CALN1: variants seen among roughly 807,000 people sequenced by gnomAD.
CALN1 encodes calneuron 1.
CALN1 carries 17 observed loss-of-function variants against 30.6 expected under a neutral mutation model. That is an observed-to-expected ratio of 0.56 (90% CI 0.38 to 0.83). The LOEUF (loss-of-function observed/expected upper bound fraction) is 0.83. CALN1 is among the 40% of genes least tolerant of loss of function. The pLI is 0.00. For missense variants in CALN1, 291 were observed against 354.9 expected (o/e 0.82, Z 1.45); for synonymous variants, 156 against 131.4 (o/e 1.19, Z -1.28).
At chr7:72,385,881 G>A (rs552966297) in intron 2 of CALN1, among the ~76,000 whole-genome samples, 27 of 152,286 alleles carry the variant, frequency 1.8e-4, no homozygotes, top group Non-Finnish European at 1.0e-4. Context: ...AAAACTGTGA[G>A]TCAATTTAAC....
At chr7:71,991,540 T>A (rs1436937301) in intron 5 of CALN1, among the ~76,000 whole-genome samples, 1 of 150,072 alleles carries the variant, frequency 6.7e-6, no homozygotes, top group African/African-American at 2.4e-5. Context: ...AGCAAAGTAA[T>A]AAAGATGAAC....
intron 4 of CALN1, among the ~76,000 whole-genome samples, chr7:72,054,448 C>CATATATATACACGTATAT (rs1803071701): frequency 9.8e-6 from 1 of 102,258 alleles, no homozygotes; most frequent in Admixed American, 1.1e-4. Flanking sequence ...TATATATATA[C>CATATATATACACGTATAT]ATATATATAC....
upstream of CALN1, among the ~76,000 whole-genome samples, chr7:72,450,402 C>T (rs1365983842): frequency 6.6e-6 from 1 of 152,132 alleles, no homozygotes; most frequent in African/African-American, 2.4e-5. Flanking sequence ...TCCCAGAGCC[C>T]CCCGACCCCC....
chr7:72,318,672 C>T (rs1422329002), intron 2 of CALN1, among the ~76,000 whole-genome samples: 2 of 143,946 alleles, frequency 1.4e-5, no homozygotes, highest in East Asian at 4.2e-4. Context: ...TCCTGAGTAG[C>T]TAGAACCACA....
chr7:71,988,367 T>C (rs1354245036), intron 5 of CALN1, among the ~76,000 whole-genome samples: 1 of 151,962 alleles, frequency 6.6e-6, no homozygotes, highest in African/African-American at 2.4e-5. Flanking sequence ...CCATATCGTA[T>C]CTCCAAAGGT....
intron 4 of CALN1, among the ~76,000 whole-genome samples, chr7:72,064,301 A>G (rs1803873323): frequency 6.6e-6 from 1 of 151,946 alleles, no homozygotes. Flanking sequence ...AAAAATAATT[A>G]ATTAAAAATA....
At chr7:72,160,019 C>G (rs1005902247) in intron 3 of CALN1, among the ~76,000 whole-genome samples, 1 of 152,082 alleles carries the variant, frequency 6.6e-6, no homozygotes, top group Admixed American at 6.6e-5. Flanking sequence ...AAAGTGAAGG[C>G]AGGTGAGAAC....
At chr7:72,276,184 G>C (rs575896489) in intron 3 of CALN1, among the ~76,000 whole-genome samples, 1 of 152,166 alleles carries the variant, frequency 6.6e-6, no homozygotes, top group Non-Finnish European at 1.5e-5. Context: ...GGTCCTGCAC[G>C]CATGGGGGAC....
Position 72,278,905 on chromosome 7 carries a change from G to A in CALN1, c.120-95C>T, listed in dbSNP as rs1585342862. On this transcript the variant is annotated intron_variant, in intron 2 of 6. Transcript: ENST00000395275. ...GGACCATCTGATTTTCAGATGGCCA[G>A]TGTCATTTTAAAAATAGCAGTAATA... The A allele has an allele frequency of 4.1e-6, 6 of 1,473,792 alleles. No individual in the cohort carries two copies. The East Asian group carries it at 1.2e-4, about 30-fold the overall frequency. 91.3% of individuals were successfully genotyped at this position (1,473,792 alleles called of 1,614,324 possible).
At chr7:72,344,243 C>T (rs1802513331) in intron 2 of CALN1, among the ~76,000 whole-genome samples, 1 of 152,114 alleles carries the variant, frequency 6.6e-6, no homozygotes. Context: ...CCACCCCCAC[C>T]ATGGGCTATC....
intron 5 of CALN1, among the ~76,000 whole-genome samples, chr7:71,971,870 C>T (rs1222176721): frequency 7.5e-6 from 1 of 133,798 alleles, no homozygotes; most frequent in Non-Finnish European, 1.6e-5. Context: ...GCTCCATTCA[C>T]AGTCACTCCA....
At chr7:72,388,408 A>T (rs1446705824) in intron 2 of CALN1, among the ~76,000 whole-genome samples, 1 of 152,152 alleles carries the variant, frequency 6.6e-6, no homozygotes. Context: ...ATATCCTAAA[A>T]TGAGATCCAA....
chr7:71,960,174 T>TA (rs1173149674), intron 5 of CALN1, among the ~76,000 whole-genome samples: 1 of 111,358 alleles, frequency 9.0e-6, no homozygotes, highest in African/African-American at 3.3e-5. Context: ...AATAAATAAA[T>TA]AAATAAATAA....
chr7:72,462,361 CT>C, the CALN1 span, among the ~76,000 whole-genome samples: 1 of 151,988 alleles, frequency 6.6e-6, no homozygotes. Flanking sequence ...ATTTCTCTAT[CT>C]TTTTTAAAGC....
At chr7:71,855,804 C>G (rs1226846146) in intron 5 of CALN1, among the ~76,000 whole-genome samples, 3 of 152,158 alleles carry the variant, frequency 2.0e-5, no homozygotes, top group Non-Finnish European at 4.4e-5. Flanking sequence ...CTACCCAGTG[C>G]TTTAGAATAC....
rs189659782 is a variant in CALN1, at chr7:72,108,379, C to T, written c.245-2085G>A. On this transcript the variant is annotated intron_variant, in intron 3 of 6. Coordinates refer to ENST00000395275, the MANE Select transcript of CALN1 (RefSeq NM_031468.4). ...AATCTCAGAGATTAGGATTTGATATCTTTGGGGGCTGGTTTTGAGATTGCT... is the reference window on the plus strand; with the variant it reads ...AATCTCAGAGATTAGGATTTGATATTTTTGGGGGCTGGTTTTGAGATTGCT... Among the ~76,000 whole-genome samples the T allele has an allele frequency of 6.6e-5, 10 of 152,314 alleles. No individual in the cohort carries two copies. The East Asian group carries it at 1.7e-3, about 26-fold the overall frequency.
At chr7:72,425,007 A>G (rs942937205) in intron 1 of CALN1, among the ~76,000 whole-genome samples, 1 of 152,100 alleles carries the variant, frequency 6.6e-6, no homozygotes, top group African/African-American at 2.4e-5. Flanking sequence ...CAGTGATACA[A>G]TCAATCCACA....
intron 6 of CALN1, among the ~76,000 whole-genome samples, chr7:71,808,057 C>G (rs977997243): frequency 6.6e-6 from 1 of 151,934 alleles, no homozygotes; most frequent in African/African-American, 2.4e-5. Flanking sequence ...CTGGGTGACA[C>G]AGTGAGACTT....
chr7:72,168,805 A>ATTATTT (rs1336334048), intron 3 of CALN1, among the ~76,000 whole-genome samples: 4 of 128,474 alleles, frequency 3.1e-5, no homozygotes, highest in Non-Finnish European at 6.5e-5. Flanking sequence ...TATTATTATT[A>ATTATTT]TTTTTTTTTT....
Sources: allele counts gnomAD v4.1 joint callset (sites outside exome capture counted in the v4.1 genomes callset), GRCh38; gene constraint gnomAD v4.1.1; transcripts MANE v1.5; gene names NCBI Gene and HGNC (gene_info 2026-07-23, HGNC 2026-07-21).